Variants in DCDC1 observed in about 807,000 individuals in gnomAD.
DCDC1 encodes the protein doublecortin domain containing 1, also known as doublecortin domain-containing protein 1.
DCDC1 carries 200 observed loss-of-function variants against 178.3 expected under a neutral mutation model. The observed-to-expected ratio is 1.12, with a 90% CI of 1.00 to 1.26. The LOEUF (loss-of-function observed/expected upper bound fraction) is 1.26. DCDC1 is among the 50% of genes most tolerant of loss of function. The pLI, the probability that DCDC1 is intolerant of heterozygous loss-of-function variation, is 0.00. For missense variants in DCDC1, 1,983 were observed against 1,749.2 expected (o/e 1.13, Z -2.38); for synonymous variants, 690 against 604.8 (o/e 1.14, Z -2.07).
intron 9 of DCDC1, among the ~76,000 whole-genome samples, chr11:31,216,930 T>C (rs1309278904): frequency 6.6e-6 from 1 of 152,222 alleles, no homozygotes; most frequent in Non-Finnish European, 1.5e-5. Context: ...GGTTTCTAAA[T>C]CTTTATTTTA....
chr11:31,330,501 A>C (rs1279505701), intron 2 of DCDC1, among the ~76,000 whole-genome samples: 1 of 151,956 alleles, frequency 6.6e-6, no homozygotes, highest in African/African-American at 2.4e-5. Context: ...GTATTGCCTA[A>C]GTTTTCTTCT....
chr11:30,920,921 C>T lies in DCDC1; in HGVS notation c.3148G>A (p.Val1050Ile). 1.2e-6 allele frequency: 2 copies of T among 1,611,234 alleles called. No homozygotes were observed. Among genetic ancestry groups the T allele is most frequent in the Non-Finnish European group, 1.7e-6 (2 of 1,178,578 alleles). ...THKIEALVLE[V>I]QSDIVSGSKL... is the part of the protein sequence containing the mutation. ...CTTCCAGATACAATGTCACTTTGGA[C>T]TTCTAAAACAAGAGCTGAGCAGAAA... The change falls in exon 25 of 39, where the codon GTC (valine) becomes ATC (isoleucine). Residue 1050 changes from valine to isoleucine, a missense_variant. Coordinates refer to ENST00000684477, the MANE Select transcript of DCDC1 (RefSeq NM_001387274.1).
At chr11:31,093,362 A>G (rs889166857) in intron 16 of DCDC1, among the ~76,000 whole-genome samples, 1 of 152,168 alleles carries the variant, frequency 6.6e-6, no homozygotes, top group East Asian at 1.9e-4. Flanking sequence ...CATTCACAGG[A>G]GTGCTAAGTA....
At chr11:31,232,748 G>C (rs1289556868) in intron 9 of DCDC1, among the ~76,000 whole-genome samples, 8 of 152,126 alleles carry the variant, frequency 5.3e-5, no homozygotes. Context: ...TAATAATAAA[G>C]ATGCTGGTGA....
chr11:30,936,807 C>T (rs1393544246), intron 21 of DCDC1, among the ~76,000 whole-genome samples: 14 of 152,158 alleles, frequency 9.2e-5, no homozygotes, highest in Admixed American at 9.2e-4. Context: ...AGATAAGCGA[C>T]ACAAAGGAAT....
rs79696066 is a variant in DCDC1 at position 31,193,237 on chromosome 11, T to C, written c.1221+48213A>G. ...TTACCATAACAAATCAATCCTCTCT[T>C]ATATATCTATATCTTTATATATGCT... is the stretch of plus-strand genomic sequence containing the variant. On this transcript the variant is annotated intron_variant, in intron 9 of 38. Coordinates refer to ENST00000684477, the MANE Select transcript of DCDC1 (RefSeq NM_001387274.1). 1.1e-4 allele frequency among the ~76,000 whole-genome samples: 17 copies of C among 152,170 alleles called. No homozygotes were observed. In the East Asian group the frequency reaches 3.3e-3, roughly 29 times the overall value.
At chr11:31,143,535 T>C (rs893537177) in intron 9 of DCDC1, among the ~76,000 whole-genome samples, 1 of 152,144 alleles carries the variant, frequency 6.6e-6, no homozygotes, top group African/African-American at 2.4e-5. Flanking sequence ...TTTTTGAACT[T>C]AAATATAAGT....
chr11:31,065,193 T>C (rs751691020), intron 18 of DCDC1, 40 bp from the exon 19 acceptor site: 6 of 674,682 alleles, frequency 8.9e-6, no homozygotes, highest in Non-Finnish European at 1.6e-5. Flanking sequence ...ATCACCCTTA[T>C]AAACAATAGC....
At chr11:31,366,840 C>T (rs1316714123) in intron 1 of DCDC1, among the ~76,000 whole-genome samples, 2 of 152,112 alleles carry the variant, frequency 1.3e-5, no homozygotes, top group Non-Finnish European at 2.9e-5. Context: ...ATGTTAACTA[C>T]GTATGAGAAA....
chr11:31,283,805 G>A (rs569008820), intron 7 of DCDC1, among the ~76,000 whole-genome samples: 2 of 152,238 alleles, frequency 1.3e-5, no homozygotes, highest in East Asian at 3.9e-4. Flanking sequence ...AAAGACATGA[G>A]GGGATGCTTA....
intron 9 of DCDC1, chr11:31,215,205 G>T: frequency 4.0e-6 from 1 of 251,148 alleles, no homozygotes. Context: ...TGAGGCAGGA[G>T]GATCCCTTGA....
intron 32 of DCDC1, among the ~76,000 whole-genome samples, chr11:30,901,053 A>G (rs961677430): frequency 2.0e-5 from 3 of 152,130 alleles, no homozygotes; most frequent in Admixed American, 2.0e-4. Context: ...AGATAAAGCA[A>G]AATTTGGGCT....
chr11:31,176,325 C>T (rs1162712936), intron 9 of DCDC1, among the ~76,000 whole-genome samples: 1 of 152,104 alleles, frequency 6.6e-6, no homozygotes, highest in Non-Finnish European at 1.5e-5. Flanking sequence ...AACTTGAAGA[C>T]AGGTCTGTTG....
At chr11:30,939,953 T>A (rs2134379553) in intron 21 of DCDC1, among the ~76,000 whole-genome samples, 1 of 152,356 alleles carries the variant, frequency 6.6e-6, no homozygotes, top group East Asian at 1.9e-4. Flanking sequence ...GTTTTTGGAC[T>A]ATTAAGGCTG....
intron 7 of DCDC1, among the ~76,000 whole-genome samples, chr11:31,271,814 T>A (rs1025698637): frequency 2.0e-5 from 3 of 152,088 alleles, no homozygotes; most frequent in African/African-American, 7.2e-5. Flanking sequence ...ACATCTTACA[T>A]GGATGGCAGC....
chr11:31,072,326 T>C (rs540779236), intron 18 of DCDC1, among the ~76,000 whole-genome samples: 4 of 152,326 alleles, frequency 2.6e-5, no homozygotes, highest in Admixed American at 6.5e-5. Context: ...AGGTTTATTA[T>C]ATATTGAGTA....
At chr11:31,221,529 T>A (rs1974265656) in intron 9 of DCDC1, among the ~76,000 whole-genome samples, 1 of 152,298 alleles carries the variant, frequency 6.6e-6, no homozygotes, top group East Asian at 1.9e-4. Context: ...CCCATCCACA[T>A]GGTTCTGGTG....
At chr11:31,287,166 C>G (rs1011798829) in intron 7 of DCDC1, among the ~76,000 whole-genome samples, 3 of 151,620 alleles carry the variant, frequency 2.0e-5, no homozygotes, top group Non-Finnish European at 2.9e-5. Context: ...AAGTCTGTAA[C>G]ATTAAAGATC....
At chr11:31,252,783 T>C (rs1361883645) in intron 8 of DCDC1, among the ~76,000 whole-genome samples, 3 of 152,070 alleles carry the variant, frequency 2.0e-5, no homozygotes, top group Non-Finnish European at 1.5e-5. Flanking sequence ...ATGATAAATA[T>C]TTAAAAGAAT....
Sources: gnomAD v4.1 joint callset for allele counts (sites outside exome capture counted in the v4.1 genomes callset) on GRCh38, gnomAD v4.1.1 for gene constraint, MANE v1.5 for transcripts, NCBI Gene and HGNC (gene_info 2026-07-23, HGNC 2026-07-21) for gene names.